The following ASMTL variants were observed in gnomAD, a reference collection of about 807,000 sequenced individuals.
ASMTL encodes the protein probable bifunctional dTTP/UTP pyrophosphatase/methyltransferase protein.
A neutral mutation model predicts 60.3 loss-of-function variants in ASMTL; 57 were observed. The ratio of observed to expected loss-of-function variants is 0.95; its 90% CI spans 0.76 to 1.18. The LOEUF is 1.18. Among genes scored for constraint, ASMTL ranks in the 50% most tolerant of loss-of-function variants. The pLI, the probability that ASMTL is intolerant of heterozygous loss-of-function variation, is 0.00. For synonymous variants in ASMTL, 419 were observed against 373.0 expected (o/e 1.12, Z -1.42); for missense variants, 981 against 852.6 (o/e 1.15, Z -1.88).
At chrX:1,448,399 G>A (rs1244222025) in intron 1 of ASMTL, among the ~76,000 whole-genome samples, 23 of 128,220 alleles carry the variant, frequency 1.8e-4, no homozygotes, top group Non-Finnish European at 3.0e-4. Context: ...TGGACACACC[G>A]CCATCTTGGA....
intron 12 of ASMTL, 76 bp downstream of exon 12, chrX:1,412,656 C>G (rs2090074796): frequency 5.6e-6 from 9 of 1,603,596 alleles, no homozygotes; most frequent in Admixed American, 1.7e-5. Flanking sequence ...AGCCACCGCG[C>G]CCGGCCTCCT....
At chrX:1,407,909 GAA>G (rs111772212) in intron 12 of ASMTL, among the ~76,000 whole-genome samples, 15,871 of 151,822 alleles carry the variant, frequency 0.1, 943 homozygotes, top group Admixed American at 0.15. Flanking sequence ...AGAAGAGAGA[GAA>G]AGAGAGACAG....
At chrX:1,435,169 C>T (rs1376589433) in intron 4 of ASMTL, 86 bp from the exon 5 acceptor site, 30 of 1,394,550 alleles carry the variant, frequency 2.2e-5, no homozygotes, top group Admixed American at 3.4e-5. Context: ...GGGGAGGCAG[C>T]GAGGCGTCCT....
chrX:1,420,598 A>G (rs777016206), intron 9 of ASMTL, among the ~76,000 whole-genome samples: 1 of 152,190 alleles, frequency 6.6e-6, no homozygotes, highest in East Asian at 1.9e-4. Context: ...ACCGAGACCC[A>G]CCCATCTGCA....
rs765459013 is a variant in ASMTL, at chrX:1,421,781, G to GTTCA, written c.1121_1122insTGAA (p.Gly375GlufsTer8). The GTTCA allele has an allele frequency of 1.9e-6, 3 of 1,613,856 alleles. No individual in the cohort carries two copies. In the East Asian group the frequency reaches 6.7e-5, roughly 36 times the overall value. ...GGTCATTATTGTGCATGATGAAGCC[G>GTTCA]TGCAGAGAGTATTCGCCATCCGATG... is the stretch of plus-strand genomic sequence containing the variant. On this transcript the variant is annotated frameshift_variant, in exon 9 of 13. Coordinates refer to ENST00000381317, the MANE Select transcript of ASMTL (RefSeq NM_004192.4). LOFTEE classifies it high-confidence loss of function.
intron 12 of ASMTL, among the ~76,000 whole-genome samples, chrX:1,406,138 G>T (rs757863430): frequency 5.3e-5 from 8 of 150,396 alleles, no homozygotes; most frequent in Non-Finnish European, 1.2e-4. Flanking sequence ...ATAGATGGAT[G>T]CATGGATGAG....
Position 1,417,964 on chromosome X carries a change from A to T in ASMTL, c.1522+9T>A. ...AAAGGTTAGCAGGGTGAACAGGAGG[A>T]GGGCTCACCTGCTGCGAAGTGGATC... On this transcript the variant is annotated intron_variant, in intron 11 of 12. Transcript: ENST00000381317. 4 of 1,601,298 alleles carry T rather than the reference A, an allele frequency of 2.5e-6. No individual in the cohort carries two copies. The South Asian group carries it at 4.5e-5, about 18-fold the overall frequency.
chrX:1,435,880 G>A (rs1439603131), intron 3 of ASMTL, 122 bp from the exon 4 acceptor site: 1 of 850,328 alleles, frequency 1.2e-6, no homozygotes, highest in Non-Finnish European at 2.0e-6. Context: ...CGTCCTGAGA[G>A]TCGCCATTTC....
chrX:1,434,037 G>T (rs1308509581), intron 5 of ASMTL, among the ~76,000 whole-genome samples: 6 of 152,172 alleles, frequency 3.9e-5, no homozygotes, highest in African/African-American at 1.4e-4. Flanking sequence ...CATGGGACCC[G>T]GCCCTTCACC....
chrX:1,426,471 G>A (rs1603451121), intron 7 of ASMTL, among the ~76,000 whole-genome samples: 1 of 152,206 alleles, frequency 6.6e-6, no homozygotes, highest in East Asian at 1.9e-4. Flanking sequence ...CTTCCCGGAG[G>A]ACGCCCTGTG....
In ASMTL at chrX:1,425,540, C is replaced by G; in HGVS notation, c.1045G>C (p.Glu349Gln). The G allele has an allele frequency of 6.2e-7, 1 of 1,612,960 alleles. No homozygotes were observed. The highest frequency in any genetic ancestry group is 8.5e-7 in the Non-Finnish European group (1 of 1,179,692). Residue 349 changes from glutamate to glutamine, a missense_variant, in exon 8 of 13, where the codon GAG becomes CAG. By Grantham distance (29) the Glu-to-Gln change is conservative. Coordinates refer to ENST00000381317, the MANE Select transcript of ASMTL (RefSeq NM_004192.4). ...GTCCTGTCACCTTGCTCTGTCTTCT[C>G]CAGGAGCCCCATGGCAGCACAGATG... is the stretch of plus-strand genomic sequence containing the variant. ...LDICAAMGLLEKTEQGYSNTE... is the reference protein window; with the variant it reads ...LDICAAMGLLQKTEQGYSNTE...
At chrX:1,417,721 GAC>G (rs60780739) in intron 11 of ASMTL, among the ~76,000 whole-genome samples, 137,809 of 149,644 alleles carry the variant, frequency 0.92, 63,967 homozygotes, top group East Asian at 0.99. Flanking sequence ...TGCGGATGCA[GAC>G]ACACACACAC....
At chrX:1,420,530 G>GCCACGGCCAGCCGAGC (rs1443578450) in intron 9 of ASMTL, among the ~76,000 whole-genome samples, 1 of 152,164 alleles carries the variant, frequency 6.6e-6, no homozygotes, top group Non-Finnish European at 1.5e-5. Flanking sequence ...GAGGCATGAG[G>GCCACGGCCAGCCGAGC]CCACGGCCAG....
At chrX:1,425,732 G>C (rs779159028) in intron 7 of ASMTL, 45 bp from the exon 8 acceptor site, 1 of 1,588,350 alleles carries the variant, frequency 6.3e-7, no homozygotes, top group Non-Finnish European at 8.6e-7. Context: ...CCCTTGTCCA[G>C]TACTTTCTAC....
intron 5 of ASMTL, 147 bp from the exon 6 acceptor site, chrX:1,432,524 T>A: frequency 2.9e-6 from 2 of 688,020 alleles, no homozygotes; most frequent in Non-Finnish European, 5.2e-6. Context: ...TAAGGTTCAT[T>A]TCGGACAAGA....
intron 11 of ASMTL, 25 bp downstream of exon 11, chrX:1,417,948 C>T: frequency 6.3e-7 from 1 of 1,587,072 alleles, no homozygotes; most frequent in Middle Eastern, 1.8e-4. Flanking sequence ...AAAAGGTTAG[C>T]AGGGTGAACA....
At chrX:1,452,950 A>T (rs1245742634), upstream of ASMTL, 114 of 852,644 alleles carry the variant, frequency 1.3e-4, no homozygotes, top group African/African-American at 1.6e-3. Context: ...CCGCGAGGCC[A>T]CGCCCCCGCC....
chrX:1,405,624 G>A (rs1169372730), intron 12 of ASMTL, among the ~76,000 whole-genome samples: 9 of 148,602 alleles, frequency 6.1e-5, no homozygotes, highest in South Asian at 2.2e-4. Context: ...GTAGATAGAT[G>A]AATGGATGGA....
intron 1 of ASMTL, among the ~76,000 whole-genome samples, chrX:1,451,613 C>T (rs1179995748): frequency 2.1e-5 from 3 of 140,196 alleles, no homozygotes; most frequent in Non-Finnish European, 3.1e-5. Flanking sequence ...CTAGGGGTTT[C>T]GGGTCACTCT....
Sources: allele counts gnomAD v4.1 joint callset (sites outside exome capture counted in the v4.1 genomes callset), GRCh38; gene constraint gnomAD v4.1.1; transcripts MANE v1.5; gene names NCBI Gene and HGNC (gene_info 2026-07-23, HGNC 2026-07-21).